The following BTNL8 variants were observed in gnomAD, a reference collection of about 807,000 sequenced individuals.
The protein encoded by BTNL8 is butyrophilin like 8, also known as butyrophilin-like protein 8.
Under a neutral mutation model 36.1 loss-of-function variants are expected in BTNL8, and 22 were observed. The observed-to-expected ratio is 0.61, with a 90% confidence interval of 0.44 to 0.87. The LOEUF (loss-of-function observed/expected upper bound fraction) is 0.87. BTNL8 is among the 40% of genes least tolerant of loss of function. The pLI is 0.00. For synonymous variants in BTNL8, 203 were observed against 235.6 expected, an observed-to-expected ratio of 0.86 and a Z score of 1.27; for missense variants, 526 against 616.9, an observed-to-expected ratio of 0.85 and a Z score of 1.56.
chr5:180,915,707 C>T (rs4701007), intron 3 of BTNL8, among the ~76,000 whole-genome samples: 68,315 of 152,038 alleles, frequency 0.45, 16,444 homozygotes, highest in African/African-American at 0.63. Context: ...ATTAAGTGAG[C>T]TTTATCCTTG....
At chr5:180,921,684 C>CAG (rs1160286094) in intron 3 of BTNL8, among the ~76,000 whole-genome samples, 1 of 151,666 alleles carries the variant, frequency 6.6e-6, no homozygotes, top group East Asian at 1.9e-4. Context: ...CACACACACA[C>CAG]ACACACACAC....
intron 3 of BTNL8, among the ~76,000 whole-genome samples, chr5:180,940,399 A>G (rs568479627): frequency 6.6e-6 from 1 of 152,106 alleles, no homozygotes; most frequent in African/African-American, 2.4e-5. Flanking sequence ...TAGTAAAAGC[A>G]GTACTAGGAG....
At chr5:180,946,829 C>A (rs1193203368) in intron 3 of BTNL8, among the ~76,000 whole-genome samples, 1 of 152,018 alleles carries the variant, frequency 6.6e-6, no homozygotes, top group African/African-American at 2.4e-5. Flanking sequence ...TTTAATCATT[C>A]CACATTGTAG....
Position 180,947,632 on chromosome 5 carries a change from G to A in BTNL8, c.787+7G>A, listed in dbSNP as rs777005903. On this transcript the variant is annotated splice_region_variant and intron_variant, in intron 4 of 7. Transcript: ENST00000340184. ...TTCTTCTCCAAATTCCAGTGTAAGC[G>A]AGAGAGAGAAGCATGGGCCGGTGCC... is the stretch of plus-strand genomic sequence containing the variant. 12 of 1,614,006 alleles carry A rather than the reference G, an allele frequency of 7.4e-6. No homozygotes were observed. In the Admixed American group the frequency reaches 8.3e-5, roughly 11 times the overall value.
chr5:180,912,858 G>A (rs1757467708), intron 3 of BTNL8, among the ~76,000 whole-genome samples: 1 of 152,136 alleles, frequency 6.6e-6, no homozygotes, highest in South Asian at 2.1e-4. Context: ...AGATTGGCTG[G>A]TTGCTCCTAT....
Position 180,929,748 on chromosome 5 carries a change from C to A in BTNL8, c.674-17764C>A, listed in dbSNP as rs537378102. The stretch of plus-strand genomic sequence containing the variant: ...ATAAATTCCTGGACACATACACCCT[C>A]CCAACACTAAACCAGGAAGAAGTCA... On this transcript the variant is annotated intron_variant, in intron 3 of 7. Transcript: ENST00000340184. Among the ~76,000 whole-genome samples, 3 of 152,288 alleles carry A rather than the reference C, an allele frequency of 2.0e-5. No homozygotes were observed. In the East Asian group the frequency reaches 5.8e-4, roughly 29 times the overall value.
chr5:180,911,184 G>T (rs937208628), intron 2 of BTNL8, among the ~76,000 whole-genome samples, 155 bp from the exon 3 acceptor site: 3 of 152,216 alleles, frequency 2.0e-5, no homozygotes, highest in African/African-American at 7.2e-5. Flanking sequence ...AACGAACAGA[G>T]GCCATGGGAA....
At chr5:180,936,525 A>G (rs1758659379) in intron 3 of BTNL8, among the ~76,000 whole-genome samples, 1 of 152,222 alleles carries the variant, frequency 6.6e-6, no homozygotes, top group Non-Finnish European at 1.5e-5. Flanking sequence ...TTAACCAGAG[A>G]TGAAAGACCT....
intron 1 of BTNL8, chr5:180,902,506 C>T: frequency 9.0e-7 from 1 of 1,116,562 alleles, no homozygotes; most frequent in Non-Finnish European, 1.3e-6. Flanking sequence ...GAGTAGGTCA[C>T]ACTATAAAGG....
chr5:180,947,254 A>G (rs891274251), intron 3 of BTNL8, among the ~76,000 whole-genome samples: 1 of 152,228 alleles, frequency 6.6e-6, no homozygotes, highest in Non-Finnish European at 1.5e-5. Flanking sequence ...ATTGGGTCAG[A>G]GGTGATGCTG....
At chr5:180,926,811 A>G (rs1156472516) in intron 3 of BTNL8, among the ~76,000 whole-genome samples, 1 of 152,228 alleles carries the variant, frequency 6.6e-6, no homozygotes, top group Non-Finnish European at 1.5e-5. Flanking sequence ...AAAGAAAGGC[A>G]GCAGCCCCAG....
intron 3 of BTNL8, among the ~76,000 whole-genome samples, chr5:180,932,299 T>C (rs1764315607): frequency 6.6e-6 from 1 of 152,228 alleles, no homozygotes; most frequent in Admixed American, 6.5e-5. Context: ...GGCACATGTA[T>C]ACCTATGTAA....
intron 3 of BTNL8, among the ~76,000 whole-genome samples, chr5:180,940,453 T>C (rs990904992): frequency 6.6e-6 from 1 of 151,028 alleles, no homozygotes; most frequent in Non-Finnish European, 1.5e-5. Context: ...AAAGTATAAA[T>C]ATTTCAAGTA....
intron 3 of BTNL8, among the ~76,000 whole-genome samples, chr5:180,933,961 A>G (rs923654066): frequency 6.8e-6 from 1 of 146,354 alleles, no homozygotes; most frequent in African/African-American, 2.6e-5. Context: ...CCTGATACCA[A>G]TATCAGACAA....
At chr5:180,949,205 C>T in intron 6 of BTNL8, 34 bp from the exon 7 acceptor site, 1 of 1,449,216 alleles carries the variant, frequency 6.9e-7, no homozygotes, top group Non-Finnish European at 9.5e-7. Context: ...CCCACGTGAG[C>T]ACTGAACTGC....
rs776147356 is a variant in BTNL8 at position 180,908,589 on chromosome 5, A to G, written c.53A>G (p.Gln18Arg). 5.6e-6 allele frequency: 9 copies of G among 1,613,568 alleles called. No individual in the cohort carries two copies. In the South Asian group the frequency reaches 7.7e-5, roughly 14 times the overall value. ...TCTTTTGTATGTCTTCCCACAGGGC[A>G]GTGGCAGGTGTTTGGGCCAGACAAG... is the stretch of plus-strand genomic sequence containing the variant. ...VLSLLKLGSGQWQVFGPDKPV... is the reference protein window; with the variant it reads ...VLSLLKLGSGRWQVFGPDKPV... The change falls in exon 2 of 8, where the codon CAG (glutamine) becomes CGG (arginine). Residue 18 changes from glutamine (Q) to arginine (R), a missense_variant. Around this residue, in one of 2 missense-constraint regions of BTNL8, gnomAD observed 350 missense variants for 324.6 expected, o/e 1.08. Transcript: ENST00000340184.
chr5:180,939,373 A>G (rs1372262862), intron 3 of BTNL8, among the ~76,000 whole-genome samples: 1 of 152,160 alleles, frequency 6.6e-6, no homozygotes, highest in African/African-American at 2.4e-5. Context: ...GGTATTCCAC[A>G]CAAAAGGAAA....
intron 3 of BTNL8, among the ~76,000 whole-genome samples, chr5:180,928,585 A>G (rs907249826): frequency 6.6e-6 from 1 of 152,232 alleles, no homozygotes; most frequent in Admixed American, 6.5e-5. Flanking sequence ...ACGTGCAAAG[A>G]CACACATAGG....
At chr5:180,902,667 C>T in intron 1 of BTNL8, among the ~76,000 whole-genome samples, 1 of 136,012 alleles carries the variant, frequency 7.4e-6, no homozygotes, top group African/African-American at 2.7e-5. Flanking sequence ...CGATGCTATC[C>T]CTCCCCCCTC....
Sources: allele counts gnomAD v4.1 joint callset (sites outside exome capture counted in the v4.1 genomes callset), GRCh38; gene constraint gnomAD v4.1.1; regional missense constraint gnomAD v4.1.1; transcripts MANE v1.5; gene names NCBI Gene and HGNC (gene_info 2026-07-23, HGNC 2026-07-21).